Variants in DHRSX observed in about 807,000 individuals in gnomAD.
DHRSX encodes dehydrogenase/reductase X-linked, also known as polyprenol dehydrogenase.
A neutral mutation model predicts 34.0 loss-of-function variants in DHRSX; 31 were observed. The ratio of observed to expected loss-of-function variants is 0.91; its 90% CI spans 0.69 to 1.23. The LOEUF is 1.23. Ranked by LOEUF, DHRSX falls within the 50% of genes most tolerant of loss-of-function variation. The probability of loss-of-function intolerance (pLI) is 0.00; values close to 1 mark genes in which losing one functional copy is unlikely to be tolerated. For missense variants in DHRSX, 414 were observed against 428.1 expected (o/e 0.97, Z 0.29); for synonymous variants, 201 against 183.8 (o/e 1.09, Z -0.76).
At chrX:2,313,214 G>C (rs1334044612) in intron 3 of DHRSX, among the ~76,000 whole-genome samples, 3 of 151,830 alleles carry the variant, frequency 2.0e-5, no homozygotes, top group Non-Finnish European at 2.9e-5. Flanking sequence ...ATGTTGGCCA[G>C]GCTGGTCTTG....
intron 1 of DHRSX, among the ~76,000 whole-genome samples, chrX:2,433,932 G>C (rs561683256): frequency 3.4e-4 from 52 of 152,080 alleles, no homozygotes; most frequent in African/African-American, 1.2e-3. Context: ...CCGCCACCAC[G>C]CCCGGCTAAT....
chrX:2,392,756 T>C lies in DHRSX; in HGVS notation c.286+15989A>G, dbSNP rs2043349770. ...TATTATAAAGTATGATATAAAAATA[T>C]ATACTAAATATATATACTATTTATA... is the stretch of plus-strand genomic sequence containing the variant. On this transcript the variant is annotated intron_variant, in intron 3 of 6. Coordinates refer to ENST00000334651, the MANE Select transcript of DHRSX (RefSeq NM_145177.3). Among the ~76,000 whole-genome samples the C allele has an allele frequency of 7.4e-5, 4 of 54,218 alleles. No homozygotes were observed. In the South Asian group the frequency reaches 2.0e-3, roughly 27 times the overall value. The allele number at this position is 54,218 out of a possible 152,430, so 35.6% of individuals were successfully genotyped here. A position where few individuals can be genotyped will look rare whatever the true frequency, so the allele number is the denominator to read the frequency against.
intron 1 of DHRSX, among the ~76,000 whole-genome samples, chrX:2,451,885 C>A (rs1265191062): frequency 6.6e-6 from 1 of 151,788 alleles, no homozygotes; most frequent in Non-Finnish European, 1.5e-5. Flanking sequence ...AAGAATGCAA[C>A]TAAAAGACAA....
At chrX:2,336,684 C>T (rs993356456) in intron 3 of DHRSX, among the ~76,000 whole-genome samples, 4 of 151,616 alleles carry the variant, frequency 2.6e-5, no homozygotes, top group Non-Finnish European at 5.9e-5. Context: ...ACTGCAACCT[C>T]TGCCTCCCAG....
At chrX:2,489,900 C>T in intron 1 of DHRSX, 3 of 1,613,872 alleles carry the variant, frequency 1.9e-6, no homozygotes, top group Middle Eastern at 1.7e-4. Flanking sequence ...TTCACGATGT[C>T]CTTGCCATAG....
At chrX:2,394,761 T>G (rs6642021) in intron 3 of DHRSX, among the ~76,000 whole-genome samples, 10,738 of 151,548 alleles carry the variant, frequency 0.071, 1,034 homozygotes, top group African/African-American at 0.21. Flanking sequence ...AGCTACTCAG[T>G]AGGCTGAGGC....
chrX:2,390,077 G>A lies in DHRSX; in HGVS notation c.286+18668C>T, dbSNP rs181298872. ...ATTACAGGCATGAACCACCGTGCCCGGCCTCATTTTTAAAATAATTTTTAA... is the reference window on the plus strand; with the variant it reads ...ATTACAGGCATGAACCACCGTGCCCAGCCTCATTTTTAAAATAATTTTTAA... On this transcript the variant is annotated intron_variant, in intron 3 of 6. Coordinates refer to ENST00000334651, the MANE Select transcript of DHRSX (RefSeq NM_145177.3). Among the ~76,000 whole-genome samples the A allele has an allele frequency of 1.1e-3, 159 of 146,598 alleles. 1 individual carries two copies. The highest frequency in any genetic ancestry group is 2.6e-3 in the African/African-American group (102 of 39,804).
rs187927185 is a variant in DHRSX, at chrX:2,240,569, G to A, written c.804+2454C>T. Among the ~76,000 whole-genome samples, 10 of 151,894 alleles carry A rather than the reference G, an allele frequency of 6.6e-5. No individual in the cohort carries two copies. The South Asian group carries it at 1.2e-3, about 19-fold the overall frequency. Reference sequence around the variant, plus strand: ...AGACAATTACCTAAAGGGAAAAGCTGTCTAAACTGACTCAGAAAGAGGTGG... The same window carrying A: ...AGACAATTACCTAAAGGGAAAAGCTATCTAAACTGACTCAGAAAGAGGTGG... On this transcript the variant is annotated intron_variant, in intron 6 of 6. Transcript: ENST00000334651.
intron 4 of DHRSX, among the ~76,000 whole-genome samples, chrX:2,271,063 TTTG>T (rs2041547025): frequency 6.6e-6 from 1 of 152,196 alleles, no homozygotes; most frequent in Non-Finnish European, 1.5e-5. Flanking sequence ...TTGTGGAAAC[TTTG>T]TTGTTTCACT....
At chrX:2,480,549 A>G (rs28848876) in intron 1 of DHRSX, among the ~76,000 whole-genome samples, 16,990 of 150,748 alleles carry the variant, frequency 0.11, 1,414 homozygotes, top group South Asian at 0.27. Flanking sequence ...TGGGTATGGT[A>G]GCATGCACCT....
At chrX:2,320,461 A>C (rs2042296157) in intron 3 of DHRSX, among the ~76,000 whole-genome samples, 2 of 144,010 alleles carry the variant, frequency 1.4e-5, no homozygotes, top group South Asian at 4.6e-4. Context: ...CACCTGGCTA[A>C]CTTTTTGTAT....
At chrX:2,455,310 A>G (rs1246773815) in intron 1 of DHRSX, among the ~76,000 whole-genome samples, 3 of 151,808 alleles carry the variant, frequency 2.0e-5, no homozygotes, top group Non-Finnish European at 2.9e-5. Flanking sequence ...AGGGTGGGAC[A>G]AACGAGAGGA....
intron 1 of DHRSX, among the ~76,000 whole-genome samples, chrX:2,432,629 T>C (rs1021871859): frequency 1.3e-5 from 2 of 152,116 alleles, no homozygotes; most frequent in East Asian, 1.9e-4. Context: ...TTGGGGCACG[T>C]GAAGCCACAT....
At chrX:2,485,565 A>G in intron 1 of DHRSX, among the ~76,000 whole-genome samples, 1 of 107,200 alleles carries the variant, frequency 9.3e-6, no homozygotes, top group Non-Finnish European at 1.8e-5. Context: ...GGACAGAGGG[A>G]GGGAGGAAAG....
chrX:2,380,336 G>T (rs2043189246), intron 3 of DHRSX, among the ~76,000 whole-genome samples: 1 of 134,944 alleles, frequency 7.4e-6, no homozygotes, highest in African/African-American at 2.7e-5. Context: ...AGACTGCATT[G>T]CAGGATGAGA....
chrX:2,385,345 G>T (rs1235485308), intron 3 of DHRSX, among the ~76,000 whole-genome samples: 1 of 152,076 alleles, frequency 6.6e-6, no homozygotes, highest in Non-Finnish European at 1.5e-5. Flanking sequence ...TGCTTTAAAA[G>T]ATGCATGCTT....
At chrX:2,419,975 A>T (rs1489085850) in intron 2 of DHRSX, among the ~76,000 whole-genome samples, 7 of 152,146 alleles carry the variant, frequency 4.6e-5, no homozygotes, top group African/African-American at 1.4e-4. Flanking sequence ...TAATAATAAA[A>T]TTTTAAAAAA....
At chrX:2,465,600 C>T (rs5982995) in intron 1 of DHRSX, among the ~76,000 whole-genome samples, 48,927 of 150,978 alleles carry the variant, frequency 0.32, 8,340 homozygotes, top group African/African-American at 0.44. Flanking sequence ...GCCAGGAGTT[C>T]GAAACCAGCC....
At chrX:2,418,277 A>G (rs896710576) in intron 2 of DHRSX, among the ~76,000 whole-genome samples, 1 of 152,134 alleles carries the variant, frequency 6.6e-6, no homozygotes, top group African/African-American at 2.4e-5. Flanking sequence ...CTACTCAACT[A>G]CTTCATCATG....
Sources: gnomAD v4.1 joint callset for allele counts (sites outside exome capture counted in the v4.1 genomes callset) on GRCh38, gnomAD v4.1.1 for gene constraint, MANE v1.5 for transcripts, NCBI Gene and HGNC (gene_info 2026-07-23, HGNC 2026-07-21) for gene names.